FHOD3: variants seen among roughly 807,000 people sequenced by gnomAD.
FHOD3 encodes formin homology 2 domain containing 3, also known as FH1/FH2 domain-containing protein 3.
A neutral mutation model predicts 173.0 loss-of-function variants in FHOD3; 90 were observed. The ratio of observed to expected loss-of-function variants is 0.52; its 90% CI spans 0.44 to 0.62. The LOEUF is 0.62. Ranked by LOEUF, FHOD3 falls within the 20% of genes least tolerant of loss-of-function variation. The pLI, the probability that FHOD3 is intolerant of heterozygous loss-of-function variation, is 0.00. For synonymous variants in FHOD3, 828 were observed against 823.0 expected (o/e 1.01, Z -0.10); for missense variants, 1,945 against 2,034.7 (o/e 0.96, Z 0.85).
intron 17 of FHOD3, among the ~76,000 whole-genome samples, chr18:36,708,813 T>C (rs1206282203): frequency 1.3e-5 from 2 of 152,160 alleles, no homozygotes; most frequent in African/African-American, 2.4e-5. Context: ...CTGCTGCCAA[T>C]TGGAAAACTC....
rs149491976 is a variant in FHOD3 at position 36,769,590 on chromosome 18, G to A, written c.4786+164G>A. ...GAAAGTTTCAGGGTTGGCTGTTGAC[G>A]TTGGCCATTGTGGAGGAGGGGAGCT... On this transcript the variant is annotated intron_variant, in intron 28 of 28. Coordinates refer to ENST00000590592, the MANE Select transcript of FHOD3 (RefSeq NM_001281740.3). Among the ~76,000 whole-genome samples the A allele has an allele frequency of 5.9e-5, 9 of 152,288 alleles. No homozygotes were observed. In the East Asian group the frequency reaches 1.4e-3, roughly 23 times the overall value.
intron 1 of FHOD3, among the ~76,000 whole-genome samples, chr18:36,307,194 C>G (rs1172026156): frequency 6.6e-6 from 1 of 152,056 alleles, no homozygotes; most frequent in East Asian, 1.9e-4. Flanking sequence ...GAATTCCTGA[C>G]CTCGTAATCT....
At chr18:36,603,495 A>G (rs1001552273) in intron 8 of FHOD3, among the ~76,000 whole-genome samples, 4 of 150,912 alleles carry the variant, frequency 2.7e-5, no homozygotes, top group Non-Finnish European at 4.4e-5. Flanking sequence ...AAATAATAAT[A>G]ATAATAATAT....
intron 8 of FHOD3, among the ~76,000 whole-genome samples, chr18:36,605,668 G>T (rs534983262): frequency 1.3e-5 from 2 of 152,152 alleles, no homozygotes; most frequent in Admixed American, 6.5e-5. Flanking sequence ...GCAACCTCCG[G>T]CATAAATGCG....
At chr18:36,607,777 A>C (rs948734755) in intron 8 of FHOD3, among the ~76,000 whole-genome samples, 1 of 152,122 alleles carries the variant, frequency 6.6e-6, no homozygotes, top group African/African-American at 2.4e-5. Context: ...ATTGCTCTTA[A>C]ATTCTGACTT....
chr18:36,362,596 CAG>C (rs2046685440), intron 2 of FHOD3, among the ~76,000 whole-genome samples: 1 of 152,128 alleles, frequency 6.6e-6, no homozygotes, highest in Non-Finnish European at 1.5e-5. Context: ...GAGGGAGCTA[CAG>C]AGTCTGGAGG....
chr18:36,374,496 TG>T (rs769781342), intron 3 of FHOD3, among the ~76,000 whole-genome samples: 69 of 152,276 alleles, frequency 4.5e-4, no homozygotes, highest in Non-Finnish European at 8.8e-4. Flanking sequence ...TAAAGGTCAC[TG>T]CTTCTTTGAA....
chr18:36,576,881 T>A (rs2058673804), intron 6 of FHOD3, among the ~76,000 whole-genome samples: 1 of 152,198 alleles, frequency 6.6e-6, no homozygotes, highest in Non-Finnish European at 1.5e-5. Flanking sequence ...AGCGGGTGGA[T>A]CACGAGATCG....
chr18:36,527,203 G>A (rs546513170), intron 5 of FHOD3, among the ~76,000 whole-genome samples: 18 of 152,286 alleles, frequency 1.2e-4, no homozygotes, highest in African/African-American at 1.7e-4. Context: ...TGGTCAACTC[G>A]TGGGCAATGC....
At position 36,536,269 on chromosome 18, in the gene FHOD3, G is replaced by A. The variant is rs2056986625; in HGVS notation, c.511+23726G>A. ...CCTCCTCCCCATGGATGGGGCCAAG[G>A]TAACTGTCTGGTCTTATACAAATAC... On this transcript the variant is annotated intron_variant, in intron 5 of 28. Coordinates refer to ENST00000590592, the MANE Select transcript of FHOD3 (RefSeq NM_001281740.3). Among the ~76,000 whole-genome samples the A allele has an allele frequency of 2.0e-5, 3 of 152,306 alleles. No individual in the cohort carries two copies. In the South Asian group the frequency reaches 6.2e-4, roughly 32 times the overall value.
At position 36,760,220 on chromosome 18, in the gene FHOD3, T is replaced by C. The variant is rs149866570; in HGVS notation, c.4450-388T>C. Among the ~76,000 whole-genome samples the C allele has an allele frequency of 8.2e-3, 1,253 of 152,352 alleles. 11 individuals are homozygous for C. The highest frequency in any genetic ancestry group is 0.01 in the Middle Eastern group (3 of 294). ...CTAAGTAAAAAAATAAAGCTCAATA[T>C]GCTTGGTTAACAAGGCATATTTCAT... On this transcript the variant is annotated intron_variant, in intron 26 of 28. Coordinates refer to ENST00000590592, the MANE Select transcript of FHOD3 (RefSeq NM_001281740.3).
chr18:36,503,745 T>C (rs73947194), intron 4 of FHOD3, among the ~76,000 whole-genome samples: 1,668 of 152,326 alleles, frequency 0.011, 30 homozygotes, highest in African/African-American at 0.038. Context: ...AGTTACTCTC[T>C]TGTTGGTTCC....
rs73949430 is a variant in FHOD3, at chr18:36,324,739, A to G, written c.165+26739A>G. Among the ~76,000 whole-genome samples the G allele has an allele frequency of 2.8e-3, 431 of 152,360 alleles. 4 individuals carry two copies. The highest frequency in any genetic ancestry group is 0.01 in the African/African-American group (416 of 41,586). ...TAAGGGTTGGAAAAGCTGCGGAACA[A>G]AAAGAACACCCACATACCCACTTTT... On this transcript the variant is annotated intron_variant, in intron 1 of 28. Transcript: ENST00000590592.
At chr18:36,463,458 A>T (rs1461575337) in intron 3 of FHOD3, among the ~76,000 whole-genome samples, 1 of 22,016 alleles carries the variant, frequency 4.5e-5, no homozygotes, top group Non-Finnish European at 1.9e-4. Context: ...TTATTTAAAA[A>T]ATATTTTTGT....
chr18:36,774,461 C>G (rs2043537363), intron 28 of FHOD3, among the ~76,000 whole-genome samples: 1 of 152,184 alleles, frequency 6.6e-6, no homozygotes, highest in Non-Finnish European at 1.5e-5. Context: ...TCCTGCATCT[C>G]AGATGACAGT....
intron 15 of FHOD3, among the ~76,000 whole-genome samples, chr18:36,682,539 C>T (rs542749142): frequency 1.3e-5 from 2 of 152,254 alleles, no homozygotes; most frequent in African/African-American, 4.8e-5. Flanking sequence ...GAATGTAAGG[C>T]ATTGTTAATG....
chr18:36,687,291 C>A, intron 16 of FHOD3, 113 bp downstream of exon 16: 1 of 769,124 alleles, frequency 1.3e-6, no homozygotes. Context: ...TAAAACCTTA[C>A]ATAGCTGGCA....
In FHOD3 at chr18:36,649,423, C is replaced by A; in HGVS notation, c.1286+18C>A. 6.6e-7 allele frequency: 1 copy of A among 1,523,904 alleles called. No homozygotes were observed. The highest frequency in any genetic ancestry group is 1.2e-5 in the South Asian group (1 of 83,428). The allele number at this position is 1,523,904 out of a possible 1,614,324, so 94.4% of individuals were successfully genotyped here. On this transcript the variant is annotated intron_variant, in intron 11 of 28. Coordinates refer to ENST00000590592, the MANE Select transcript of FHOD3 (RefSeq NM_001281740.3). The stretch of plus-strand genomic sequence containing the variant: ...AAGGACAGGTACCTAGGACTGGAGC[C>A]TCCCAAGCTCACACTAAAAGTGGGA...
At chr18:36,486,229 C>T (rs1465453750) in intron 3 of FHOD3, among the ~76,000 whole-genome samples, 2 of 152,234 alleles carry the variant, frequency 1.3e-5, no homozygotes, top group Non-Finnish European at 2.9e-5. Flanking sequence ...ACTGGCTTCT[C>T]CTCTCCCAGT....
Sources: allele counts gnomAD v4.1 joint callset (sites outside exome capture counted in the v4.1 genomes callset), GRCh38; gene constraint gnomAD v4.1.1; transcripts MANE v1.5; gene names NCBI Gene and HGNC (gene_info 2026-07-23, HGNC 2026-07-21).